The following HLF variants were observed in gnomAD, a reference collection of about 807,000 sequenced individuals.
The protein encoded by HLF is hepatic leukemia factor.
In HLF, 3 loss-of-function variants were observed where a neutral mutation model predicts 22.6. That is an observed-to-expected ratio of 0.13 (90% CI 0.06 to 0.34). The LOEUF is 0.34. HLF is among the 10% of genes least tolerant of loss of function. The pLI, the probability that HLF is intolerant of heterozygous loss-of-function variation, is 1.00. For missense variants in HLF, 299 were observed against 389.2 expected, an observed-to-expected ratio of 0.77 and a Z score of 1.95; for synonymous variants, 151 against 151.8, an observed-to-expected ratio of 0.99 and a Z score of 0.04.
At chr17:55,286,894 G>A (rs2081008797) in intron 2 of HLF, among the ~76,000 whole-genome samples, 1 of 152,146 alleles carries the variant, frequency 6.6e-6, no homozygotes, top group Non-Finnish European at 1.5e-5. Context: ...TTGTCATAGA[G>A]GATGCCCAAA....
rs1905373666 is a variant in HLF at position 55,324,272 on chromosome 17, C to G, written c.*3393C>G. 1 of 226,828 alleles carries G rather than the reference C, an allele frequency of 4.4e-6. No homozygotes were observed. Among genetic ancestry groups the G allele is most frequent in the Non-Finnish European group, 8.8e-6 (1 of 113,984 alleles). The allele number at this position is 226,828 out of a possible 1,614,324, so 14.1% of individuals were successfully genotyped here. ...GTACTAGACCACCCAGAGGTTCCTT[C>G]TAACCCACTGGTTTGGTGGGGAACT... On this transcript the variant is annotated 3_prime_UTR_variant, in exon 4 of 4. Transcript: ENST00000226067.
chr17:55,316,965 G>GTTTTTTT (rs35293604), intron 3 of HLF, among the ~76,000 whole-genome samples: 4 of 107,154 alleles, frequency 3.7e-5, no homozygotes, highest in Non-Finnish European at 3.6e-5. Context: ...TTTTTATGGT[G>GTTTTTTT]TTTTTTTTTT....
In HLF at chr17:55,323,170, T is replaced by C. The variant is rs1254627646; in HGVS notation, c.*2291T>C. Reference sequence around the variant, plus strand: ...GATAACAGCAAGAGATGGGGGTGTATTGGAATTGCAATACATTGTTCAGGT... The same window carrying C: ...GATAACAGCAAGAGATGGGGGTGTACTGGAATTGCAATACATTGTTCAGGT... On this transcript the variant is annotated 3_prime_UTR_variant, in exon 4 of 4. Transcript: ENST00000226067. The C allele has an allele frequency of 1.8e-5, 4 of 217,350 alleles. No homozygotes were observed. Among genetic ancestry groups the C allele is most frequent in the Non-Finnish European group, 2.8e-5 (3 of 108,134 alleles). The allele number at this position is 217,350 out of a possible 1,614,324, so 13.5% of individuals were successfully genotyped here.
At chr17:55,297,686 C>G (rs890871406) in intron 2 of HLF, among the ~76,000 whole-genome samples, 4 of 151,566 alleles carry the variant, frequency 2.6e-5, no homozygotes, top group Admixed American at 1.3e-4. Context: ...CTACCCTCAC[C>G]CCTTACACTC....
intron 2 of HLF, among the ~76,000 whole-genome samples, chr17:55,306,242 T>G (rs1904542088): frequency 6.6e-6 from 1 of 152,156 alleles, no homozygotes; most frequent in Non-Finnish European, 1.5e-5. Context: ...CTGATATTGA[T>G]TATTCAGTAG....
At chr17:55,305,680 T>A (rs888683537) in intron 2 of HLF, among the ~76,000 whole-genome samples, 1 of 152,184 alleles carries the variant, frequency 6.6e-6, no homozygotes, top group Non-Finnish European at 1.5e-5. Flanking sequence ...CTTTAAAATG[T>A]GGGATACAGT....
chr17:55,291,068 A>G (rs2081057461), intron 2 of HLF, among the ~76,000 whole-genome samples: 1 of 152,246 alleles, frequency 6.6e-6, no homozygotes, highest in Non-Finnish European at 1.5e-5. Context: ...TTGAGCTAGC[A>G]GAGGTTGGTT....
At chr17:55,307,519 G>GA (rs1904636414) in intron 2 of HLF, among the ~76,000 whole-genome samples, 2 of 151,616 alleles carry the variant, frequency 1.3e-5, no homozygotes, top group South Asian at 4.2e-4. Context: ...TGCACAAAGT[G>GA]AAAAAAATAA....
intron 2 of HLF, among the ~76,000 whole-genome samples, chr17:55,304,168 ACCCTATGATATTTCCTTGCC>A (rs1421746612): frequency 2.6e-5 from 4 of 151,866 alleles, no homozygotes. Flanking sequence ...ATTTCTGGTC[ACCCTATGATATTTCCTTGCC>A]CTAAGGTACT....
At chr17:55,313,359 CGTGT>C (rs58593405) in intron 2 of HLF, among the ~76,000 whole-genome samples, 340 of 147,106 alleles carry the variant, frequency 2.3e-3, no homozygotes, top group East Asian at 4.9e-3. Flanking sequence ...GAGGTGTGTG[CGTGT>C]GTGTGTGTGT....
intron 2 of HLF, among the ~76,000 whole-genome samples, chr17:55,314,549 T>A (rs1254890878): frequency 2.0e-5 from 3 of 152,306 alleles, no homozygotes; most frequent in Non-Finnish European, 2.9e-5. Flanking sequence ...CTGCCCACCT[T>A]CTTGGCCACA....
chr17:55,317,830 C>T (rs1905128724), intron 3 of HLF, among the ~76,000 whole-genome samples: 1 of 152,198 alleles, frequency 6.6e-6, no homozygotes, highest in Non-Finnish European at 1.5e-5. Context: ...TTAGGGTTAG[C>T]ATGCATGCGC....
In HLF at chr17:55,321,551, A is replaced by G. The variant is rs896032296; in HGVS notation, c.*672A>G. On this transcript the variant is annotated 3_prime_UTR_variant, in exon 4 of 4. Transcript: ENST00000226067. ...TAATTCTACCAACCCCAGATAAGTA[A>G]GAGTACTATTAATAGAACACAGAGT... is the stretch of plus-strand genomic sequence containing the variant. The G allele has an allele frequency of 2.2e-5, 5 of 228,894 alleles. No homozygotes were observed. The highest frequency in any genetic ancestry group is 4.3e-5 in the Non-Finnish European group (5 of 115,166). The allele number at this position is 228,894 out of a possible 1,614,324, so 14.2% of individuals were successfully genotyped here. A position where few individuals can be genotyped will look rare whatever the true frequency, so the allele number is the denominator to read the frequency against.
intron 2 of HLF, chr17:55,288,921 C>G: frequency 3.0e-6 from 3 of 985,286 alleles, no homozygotes; most frequent in South Asian, 4.7e-5. Context: ...TGCATGTTCC[C>G]AGATCACCTG....
chr17:55,270,935 C>T (rs921060586), intron 2 of HLF, among the ~76,000 whole-genome samples: 2 of 152,210 alleles, frequency 1.3e-5, no homozygotes, highest in Non-Finnish European at 1.5e-5. Context: ...AGCCACCGCG[C>T]CCGGCCTTGG....
rs1046396498 is a variant in HLF at position 55,321,082 on chromosome 17, C to T, written c.*203C>T. On this transcript the variant is annotated 3_prime_UTR_variant, in exon 4 of 4. Coordinates refer to ENST00000226067, the MANE Select transcript of HLF (RefSeq NM_002126.5). ...GTGTGGTCAGCGGTATGTGCGTGTG[C>T]GTGTTCCTTTGCTCTTGCCATTTTA... is the stretch of plus-strand genomic sequence containing the variant. 27 of 551,074 alleles carry T rather than the reference C, an allele frequency of 4.9e-5. No individual in the cohort carries two copies. Among genetic ancestry groups the T allele is most frequent in the African/African-American group, 3.8e-4 (20 of 53,172 alleles). The allele number at this position is 551,074 out of a possible 1,614,324, so 34.1% of individuals were successfully genotyped here.
chr17:55,277,274 T>TGCGTGC (rs2080913650), intron 2 of HLF, among the ~76,000 whole-genome samples: 1 of 113,896 alleles, frequency 8.8e-6, no homozygotes, highest in Non-Finnish European at 1.8e-5. Flanking sequence ...TGTGTGTGTG[T>TGCGTGC]GCGCGCGCAT....
Position 55,321,128 on chromosome 17 carries a change from T to G in HLF, c.*249T>G, listed in dbSNP as rs1905248682. Reference sequence around the variant, plus strand: ...TTTTAAGGTAGCCCTCTCATCGTCTTTTAGTTCCAACAAAGAAAGGTGCCA... The same window carrying G: ...TTTTAAGGTAGCCCTCTCATCGTCTGTTAGTTCCAACAAAGAAAGGTGCCA... On this transcript the variant is annotated 3_prime_UTR_variant, in exon 4 of 4. Transcript: ENST00000226067. 2.2e-6 allele frequency: 1 copy of G among 456,460 alleles called. No homozygotes were observed. Among genetic ancestry groups the G allele is most frequent in the East Asian group, 3.7e-5 (1 of 26,760 alleles). 28.3% of individuals were successfully genotyped at this position (456,460 alleles called of 1,614,324 possible).
chr17:55,274,157 A>G (rs976601338), intron 2 of HLF, among the ~76,000 whole-genome samples: 2 of 152,202 alleles, frequency 1.3e-5, no homozygotes, highest in Non-Finnish European at 1.5e-5. Context: ...ATCCTAATGT[A>G]GAAAGCCAGA....
Sources: allele counts gnomAD v4.1 joint callset (sites outside exome capture counted in the v4.1 genomes callset), GRCh38; gene constraint gnomAD v4.1.1; transcripts MANE v1.5; gene names NCBI Gene and HGNC (gene_info 2026-07-23, HGNC 2026-07-21).